Variants in FLNA observed in about 807,000 individuals in gnomAD.
FLNA encodes the protein filamin-A.
FLNA carries 7 observed loss-of-function variants against 157.6 expected under a neutral mutation model. The ratio of observed to expected loss-of-function variants is 0.04; its 90% CI spans 0.03 to 0.08. The LOEUF is 0.08. FLNA is among the 10% of genes least tolerant of loss of function. FLNA has a pLI of 1.00. For missense variants in FLNA, 1,750 were observed against 2,398.4 expected, an observed-to-expected ratio of 0.73 and a Z score of 5.65; for synonymous variants, 1,103 against 1,060.8, an observed-to-expected ratio of 1.04 and a Z score of -0.77.
Position 154,362,340 on chromosome X carries a change from C to T in FLNA, c.2566-8G>A. 8.3e-7 allele frequency: 1 copy of T among 1,209,904 alleles called. No individual in the cohort carries two copies. The highest frequency in any genetic ancestry group is 2.3e-4 in the Middle Eastern group (1 of 4,350). ...GGGGCTGGTGGGCGTGGCCTGCAGG[C>T]AGTGGGAGGAGAAGGCCTTAGAGGA... On this transcript the variant is annotated splice_polypyrimidine_tract_variant and splice_region_variant and intron_variant, in intron 17 of 47. Transcript: ENST00000369850.
chrX:154,372,239 T>A (rs1382988044), intron 1 of FLNA, among the ~76,000 whole-genome samples: 1 of 113,270 alleles, frequency 8.8e-6, no homozygotes, highest in Non-Finnish European at 1.9e-5. Flanking sequence ...TGTGCCCGCC[T>A]AACCCTTCAT....
intron 30 of FLNA, 99 bp downstream of exon 30, chrX:154,357,152 G>A: frequency 1.2e-6 from 1 of 852,691 alleles, no homozygotes; most frequent in Non-Finnish European, 1.7e-6. Context: ...CCTGCCTAGA[G>A]CTGCAGCTGG....
At chrX:154,357,098 C>T (rs782111116) in intron 30 of FLNA, among the ~76,000 whole-genome samples, 153 bp downstream of exon 30, 1 of 112,420 alleles carries the variant, frequency 8.9e-6, no homozygotes, top group African/African-American at 3.2e-5. Context: ...GGCCCTCGCC[C>T]TCCAGCCCAC....
In FLNA at chrX:154,354,000, A is replaced by G. The variant is rs781904122; in HGVS notation, c.5601T>C (p.His1867=). 4.1e-6 allele frequency: 5 copies of G among 1,210,589 alleles called. No homozygotes were observed. The South Asian group carries it at 7.0e-5, about 17-fold the overall frequency. Residue 1867 remains histidine, a synonymous_variant, in exon 35 of 48, where the codon CAT becomes CAC. Transcript: ENST00000369850. The part of the protein sequence containing the change: ...QFYVDYVNCG[H]VTAYGPGLTH... ...TGAGGCCAGGCCCATAGGCAGTGAC[A>G]TGGCCACAGTTGACGTAATCCACAT...
intron 30 of FLNA, 68 bp from the exon 31 acceptor site, chrX:154,355,140 C>A: frequency 9.0e-7 from 1 of 1,109,714 alleles, no homozygotes; most frequent in Admixed American, 2.4e-5. Flanking sequence ...TGTTCCCGTC[C>A]GCCTGCCGCC....
At position 154,350,105 on chromosome X, in the gene FLNA, A is replaced by C; in HGVS notation, c.7259T>G (p.Val2420Gly). The C allele has an allele frequency of 8.3e-7, 1 of 1,210,624 alleles. No homozygotes were observed. The highest frequency in any genetic ancestry group is 1.7e-5 in the African/African-American group (1 of 57,646). The stretch of plus-strand genomic sequence containing the variant: ...GTCCCCTCCATGCCCAGGCTCCCCA[A>C]CTCGGATCTTGAAGGGGCTTCCAGG... ...HIPGSPFKIR[V>G]GEPGHGGDPG... Residue 2420 changes from valine to glycine, a missense_variant, in exon 45 of 48, where the codon GTT becomes GGT. Val to Gly is a moderately radical substitution (Grantham distance 109). Around this residue, in one of 5 missense-constraint regions of FLNA, gnomAD observed 970 missense variants for 1,302.6 expected, o/e 0.74. Coordinates refer to ENST00000369850, the MANE Select transcript of FLNA (RefSeq NM_001110556.2).
rs1419805568 is a variant in FLNA, at chrX:154,351,012, G to A, written c.7053C>T (p.Ala2351=). 1 of 1,211,862 alleles carries A rather than the reference G, an allele frequency of 8.3e-7. No homozygotes were observed. The highest frequency in any genetic ancestry group is 1.7e-5 in the African/African-American group (1 of 57,954). ...QESGLKVNQP[A]SFAVSLNGAK... is the part of the protein sequence containing the mutation. The stretch of plus-strand genomic sequence containing the variant: ...CCCCGTTCAGGCTGACTGCAAAAGA[G>A]GCTGGCTGGTTGACCTTTAGCCCTG... The change falls in exon 44 of 48, where the codon GCC becomes GCT. Residue 2351 remains alanine, a synonymous_variant. Coordinates refer to ENST00000369850, the MANE Select transcript of FLNA (RefSeq NM_001110556.2).
In FLNA at chrX:154,353,018, A is replaced by G. The variant is rs782693894; in HGVS notation, c.6209T>C (p.Ile2070Thr). The G allele has an allele frequency of 5.0e-6, 6 of 1,211,485 alleles. No homozygotes were observed. The highest frequency in any genetic ancestry group is 1.8e-5 in the South Asian group (1 of 57,018). Residue 2070 changes from isoleucine (I) to threonine (T), a missense_variant, in exon 38 of 48, where the codon ATT becomes ACT. Coordinates refer to ENST00000369850, the MANE Select transcript of FLNA (RefSeq NM_001110556.2). The part of the protein sequence containing the change: ...GHTFEPAEFI[I>T]DTRDAGYGGL... ...CTGCCTACCTGCATCGCGGGTATCA[A>G]TGATAAACTCTGCAGGCTCAAAGGT... is the stretch of plus-strand genomic sequence containing the variant.
At chrX:154,351,558 G>A (rs782049562) in intron 43 of FLNA, 23 bp downstream of exon 43, 3 of 1,081,580 alleles carry the variant, frequency 2.8e-6, no homozygotes, top group Non-Finnish European at 3.9e-6. Flanking sequence ...GCCCCAGGTG[G>A]GCGGTTTCTC....
intron 30 of FLNA, among the ~76,000 whole-genome samples, chrX:154,355,601 G>A (rs2067656886): frequency 8.8e-6 from 1 of 113,427 alleles, no homozygotes; most frequent in African/African-American, 3.2e-5. Flanking sequence ...GGCTCGCGGT[G>A]AAAAGCAGCC....
rs1557175319 is a variant in FLNA, at chrX:154,349,564, G to T, written c.7554C>A (p.Gly2518=). The part of the protein sequence containing the change: ...GGSPFKAKVT[G]PRLVSNHSLH... ...GGCTGTGGTTGCTGACGAGACGGGG[G>T]CCTGCAAGGCAGAGTGGGTGGGGCT... The change falls in exon 47 of 48, where the codon GGC becomes GGA. Residue 2518 remains glycine, a splice_region_variant and synonymous_variant. Transcript: ENST00000369850. The T allele has an allele frequency of 1.7e-6, 2 of 1,212,018 alleles. No homozygotes were observed. The highest frequency in any genetic ancestry group is 3.0e-5 in the East Asian group (1 of 33,870).
At position 154,361,970 on chromosome X, in the gene FLNA, T is replaced by C. The variant is rs782468457; in HGVS notation, c.2826+9A>G. ...GGGACTCGGTGACTGTAGTGGAGGG[T>C]GTGGCTACCTGCTGGACAGGCGTGT... On this transcript the variant is annotated intron_variant, in intron 19 of 47. Coordinates refer to ENST00000369850, the MANE Select transcript of FLNA (RefSeq NM_001110556.2). 34 of 1,203,626 alleles carry C rather than the reference T, an allele frequency of 2.8e-5. No individual in the cohort carries two copies. In the African/African-American group the frequency reaches 6.0e-4, roughly 21 times the overall value.
At chrX:154,363,859 A>G (rs1199659087) in intron 15 of FLNA, among the ~76,000 whole-genome samples, 163 bp downstream of exon 15, 37 of 112,627 alleles carry the variant, frequency 3.3e-4, no homozygotes, top group African/African-American at 1.2e-3. Flanking sequence ...TCTATAGAAC[A>G]TGTCCAGGAT....
chrX:154,350,135 T>C lies in FLNA; in HGVS notation c.7229A>G (p.His2410Arg), dbSNP rs1557175451. 8.3e-7 allele frequency: 1 copy of C among 1,211,258 alleles called. No individual in the cohort carries two copies. The highest frequency in any genetic ancestry group is 3.0e-5 in the East Asian group (1 of 33,861). ...YLIDVKFNGT[H>R]IPGSPFKIRV... The stretch of plus-strand genomic sequence containing the variant: ...GATCTTGAAGGGGCTTCCAGGGATG[T>C]GGGTGCCGTTGAACTTGACGTCAAT... Residue 2410 changes from histidine (H) to arginine (R), a missense_variant, in exon 45 of 48, where the codon CAC becomes CGC. Coordinates refer to ENST00000369850, the MANE Select transcript of FLNA (RefSeq NM_001110556.2).
chrX:154,368,907 C>T (rs1000839676), intron 2 of FLNA, among the ~76,000 whole-genome samples: 2 of 112,845 alleles, frequency 1.8e-5, no homozygotes, highest in South Asian at 3.6e-4. Context: ...CTCTGGGCCT[C>T]GGCAGGCTCG....
Position 154,350,871 on chromosome X carries a change from CAGCAGGGCAGGGCGGCCG to C in FLNA, c.7156+20_7156+37del, listed in dbSNP as rs1557175582. The C allele has an allele frequency of 4.2e-6, 5 of 1,199,761 alleles. No individual in the cohort carries two copies. The highest frequency in any genetic ancestry group is 1.8e-5 in the African/African-American group (1 of 57,080). ...TTTGTACTCTCAGCCTGCTTCCAGC[CAGCAGGGCAGGGCGGCCG>C]GGCAGGGACAGGGCCTCACCTTGGT... On this transcript the variant is annotated intron_variant, in intron 44 of 47. Transcript: ENST00000369850.
intron 44 of FLNA, chrX:154,350,552 A>G: frequency 2.6e-6 from 1 of 384,870 alleles, no homozygotes; most frequent in East Asian, 4.6e-5. Flanking sequence ...TGGGAAGGGC[A>G]GGACTAGGCC....
At chrX:154,362,169 A>G (rs782605461) in intron 18 of FLNA, 21 bp from the exon 19 acceptor site, 9 of 1,208,705 alleles carry the variant, frequency 7.4e-6, no homozygotes, top group Non-Finnish European at 1.0e-5. Context: ...CACAGGGACC[A>G]TGTAGGGGCA....
Position 154,359,378 on chromosome X carries a change from C to A in FLNA, c.4171G>T (p.Ala1391Ser). ...RGAGTGGLGL[A>S]VEGPSEAKMS... is the part of the protein sequence containing the mutation. ...TTGGCCTCGGAGGGGCCCTCTACAG[C>A]CAGGCCCAGGCCGCCCGTGCCAGCT... The change falls in exon 25 of 48, where the codon GCT (alanine) becomes TCT (serine). Residue 1391 changes from alanine to serine, a missense_variant. Physicochemically the swap from Ala to Ser is moderately conservative, Grantham distance 99 (BLOSUM62 1). Coordinates refer to ENST00000369850, the MANE Select transcript of FLNA (RefSeq NM_001110556.2). The A allele has an allele frequency of 8.3e-7, 1 of 1,211,408 alleles. No individual in the cohort carries two copies. Among genetic ancestry groups the A allele is most frequent in the Non-Finnish European group, 1.1e-6 (1 of 895,571 alleles).
Sources: allele counts gnomAD v4.1 joint callset (sites outside exome capture counted in the v4.1 genomes callset), GRCh38; gene constraint gnomAD v4.1.1; regional missense constraint gnomAD v4.1.1; transcripts MANE v1.5; gene names NCBI Gene and HGNC (gene_info 2026-07-23, HGNC 2026-07-21).